The following ZP3 variants were observed in gnomAD, a reference collection of about 807,000 sequenced individuals.
ZP3 encodes the protein zona pellucida glycoprotein 3.
A neutral mutation model predicts 35.6 loss-of-function variants in ZP3; 21 were observed. The observed-to-expected ratio is 0.59, with a 90% confidence interval of 0.42 to 0.85. The LOEUF is 0.85. ZP3 is among the 40% of genes least tolerant of loss of function. The pLI is 0.00. For synonymous variants in ZP3, 207 were observed against 214.5 expected (o/e 0.96, Z 0.31); for missense variants, 437 against 536.5 (o/e 0.81, Z 1.83).
At chr7:76,401,301 A>G (rs1804821536) in intron 1 of ZP3, among the ~76,000 whole-genome samples, 1 of 152,128 alleles carries the variant, frequency 6.6e-6, no homozygotes, top group Non-Finnish European at 1.5e-5. Context: ...GCACATCTCA[A>G]ACTAATGCTA....
chr7:76,430,400 A>T (rs1287818042), intron 2 of ZP3, among the ~76,000 whole-genome samples: 1 of 152,060 alleles, frequency 6.6e-6, no homozygotes. Context: ...CATGGGGTGC[A>T]GGGGACTTTG....
intron 5 of ZP3, among the ~76,000 whole-genome samples, chr7:76,437,998 G>C (rs1472322885): frequency 6.6e-6 from 1 of 152,214 alleles, no homozygotes; most frequent in African/African-American, 2.4e-5. Context: ...AAACTGGCTT[G>C]TTTCTAAAAG....
Position 76,433,575 on chromosome 7 carries a change from TG to T in ZP3, c.643del (p.Asp215ThrfsTer63). ...TGSHVPLRLF[V>X]DHCVATPTPD... ...AGCCACGTGCCACTGCGGTTGTTTG[TG>T]GACCACTGCGTGGCCACACCGACAC... On this transcript the variant is annotated frameshift_variant, in exon 4 of 8. Transcript: ENST00000394857. LOFTEE classifies it high-confidence loss of function. 6.2e-7 allele frequency: 1 copy of T among 1,614,202 alleles called. No individual in the cohort carries two copies. The highest frequency in any genetic ancestry group is 1.7e-5 in the Admixed American group (1 of 60,016).
At chr7:76,427,522 A>AC (rs1805704438) in intron 1 of ZP3, among the ~76,000 whole-genome samples, 1 of 151,676 alleles carries the variant, frequency 6.6e-6, no homozygotes, top group African/African-American at 2.4e-5. Flanking sequence ...TCTCAAAAAA[A>AC]AAAAAAAAAA....
rs144953873 is a variant in ZP3 at position 76,429,583 on chromosome 7, C to T, written c.381C>T (p.Ser127=). 107 of 1,613,996 alleles carry T rather than the reference C, an allele frequency of 6.6e-5. No individual in the cohort carries two copies. Among genetic ancestry groups the T allele is most frequent in the Non-Finnish European group, 8.7e-5 (103 of 1,180,000 alleles). The part of the protein sequence containing the change: ...LHDPRPVGNL[S]IVRTNRAEIP... ...ACCCCCGCCCCGTGGGAAACCTGTC[C>T]ATCGTGAGGACTAACCGCGCAGAGA... Residue 127 remains serine, a synonymous_variant, in exon 2 of 8, where the codon TCC becomes TCT. Transcript: ENST00000394857.
At chr7:76,401,014 A>AG in intron 1 of ZP3, 1 of 1,550,386 alleles carries the variant, frequency 6.5e-7, no homozygotes. Context: ...CTACCTTGAA[A>AG]GGGCAGTGGA....
At chr7:76,432,334 G>A (rs527880508) in intron 2 of ZP3, among the ~76,000 whole-genome samples, 77 of 151,966 alleles carry the variant, frequency 5.1e-4, no homozygotes, top group Non-Finnish European at 7.8e-4. Flanking sequence ...GACTAAAGGC[G>A]CCCGCCACCA....
intron 1 of ZP3, among the ~76,000 whole-genome samples, chr7:76,417,094 T>C (rs1368096471): frequency 1.3e-5 from 2 of 151,650 alleles, no homozygotes; most frequent in Non-Finnish European, 2.9e-5. Flanking sequence ...TTTCACTCTT[T>C]TTGCCCAGGC....
chr7:76,400,878 A>G lies in ZP3; in HGVS notation c.-67+3081A>G, dbSNP rs916745913. 4.7e-6 allele frequency: 6 copies of G among 1,283,504 alleles called. No homozygotes were observed. In the Admixed American group the frequency reaches 6.3e-5, roughly 13 times the overall value. The allele number at this position is 1,283,504 out of a possible 1,614,324, so 79.5% of individuals were successfully genotyped here. On this transcript the variant is annotated intron_variant, in intron 1 of 8. Transcript: ENST00000336517. ...CCCTTCTGGAAAATGGGGAGACTAC[A>G]GCTCCCCTGAGATGGGGGCATCTAG... is the stretch of plus-strand genomic sequence containing the variant.
chr7:76,419,789 C>T (rs988456969), intron 1 of ZP3, among the ~76,000 whole-genome samples: 3 of 145,118 alleles, frequency 2.1e-5, no homozygotes, highest in Non-Finnish European at 4.6e-5. Flanking sequence ...CCTCCTCCTC[C>T]TCCCCCTCCT....
intron 1 of ZP3, among the ~76,000 whole-genome samples, chr7:76,415,364 C>CAAAAAAAAAAAAAAAAAAAAAAAAA (rs528001072): frequency 2.4e-4 from 15 of 63,512 alleles, no homozygotes; most frequent in African/African-American, 6.5e-4. Context: ...GACTCCGTCT[C>CAAAAAAAAAAAAAAAAAAAAAAAAA]AAAAAAAAAA....
intron 1 of ZP3, among the ~76,000 whole-genome samples, chr7:76,419,158 A>C (rs1404544202): frequency 6.6e-6 from 1 of 152,162 alleles, no homozygotes; most frequent in African/African-American, 2.4e-5. Flanking sequence ...CATTATTGTT[A>C]TAATAATTTT....
At chr7:76,422,997 A>AAAAG (rs1011012315), upstream of ZP3, among the ~76,000 whole-genome samples, 1 of 108,636 alleles carries the variant, frequency 9.2e-6, no homozygotes, top group African/African-American at 3.7e-5. Flanking sequence ...ATCCTGTCTC[A>AAAAG]AAAGAAAGAA....
chr7:76,428,180 A>AG (rs71521126), intron 1 of ZP3, among the ~76,000 whole-genome samples: 21,761 of 149,616 alleles, frequency 0.15, 1,909 homozygotes, highest in South Asian at 0.26. Flanking sequence ...AAAAAAAAAA[A>AG]GGCACGGTGG....
chr7:76,428,970 C>G (rs894510017), intron 1 of ZP3: 2 of 156,416 alleles, frequency 1.3e-5, no homozygotes, highest in Non-Finnish European at 2.8e-5. Context: ...GCGTGAGCCA[C>G]AGCGCCCAGC....
At chr7:76,409,323 TCA>T (rs3081030) in intron 1 of ZP3, 42,196 of 146,190 alleles carry the variant, frequency 0.29, 6,344 homozygotes, top group East Asian at 0.36. Flanking sequence ...TCTCTCTGTC[TCA>T]CACACACACA....
chr7:76,438,125 G>A (rs1319611077), intron 5 of ZP3, among the ~76,000 whole-genome samples: 8 of 152,248 alleles, frequency 5.3e-5, no homozygotes, highest in Admixed American at 2.0e-4. Flanking sequence ...TGCTCTGCCC[G>A]AGGTTGAGCA....
At chr7:76,413,422 C>G (rs961456968) in intron 1 of ZP3, among the ~76,000 whole-genome samples, 1 of 151,900 alleles carries the variant, frequency 6.6e-6, no homozygotes, top group Non-Finnish European at 1.5e-5. Context: ...GCCACCACAA[C>G]TTGCTAATTT....
At chr7:76,429,781 G>A in intron 2 of ZP3, 148 bp downstream of exon 2, 1 of 703,764 alleles carries the variant, frequency 1.4e-6, no homozygotes, top group East Asian at 2.6e-5. Flanking sequence ...TGTACTGCGT[G>A]GGATTGTGGG....
Sources: gnomAD v4.1 joint callset for allele counts (sites outside exome capture counted in the v4.1 genomes callset) on GRCh38, gnomAD v4.1.1 for gene constraint, MANE v1.5 for transcripts, NCBI Gene and HGNC (gene_info 2026-07-23, HGNC 2026-07-21) for gene names.